Variants in UGT3A1 observed in about 807,000 individuals in gnomAD.
UGT3A1 encodes the protein UDP glycosyltransferase family 3 member A1.
UGT3A1 carries 40 observed loss-of-function variants against 37.6 expected under a neutral mutation model. The observed-to-expected ratio is 1.06, with a 90% CI of 0.83 to 1.38. The LOEUF (loss-of-function observed/expected upper bound fraction) is 1.38. Ranked by LOEUF, UGT3A1 falls within the 40% of genes most tolerant of loss-of-function variation. The pLI is 0.00. For missense variants in UGT3A1, 642 were observed against 634.2 expected, an observed-to-expected ratio of 1.01 and a Z score of -0.13; for synonymous variants, 256 against 232.3, an observed-to-expected ratio of 1.10 and a Z score of -0.93.
At position 35,952,463 on chromosome 5, in the gene UGT3A1, A is replaced by G. The variant is rs147327405; in HGVS notation, c.*1739T>C. On this transcript the variant is annotated 3_prime_UTR_variant, in exon 7 of 7. Transcript: ENST00000274278. ...TGGACAGAGCAAGATTAGAAGCATC[A>G]TTCTGGCTCATTGGCTGCTTATGAT... 1 of 152,336 alleles carries G rather than the reference A, an allele frequency of 6.6e-6. No homozygotes were observed. Among genetic ancestry groups the G allele is most frequent in the Non-Finnish European group, 1.5e-5 (1 of 68,050 alleles). The allele number at this position is 152,336 out of a possible 1,614,324, so 9.4% of individuals were successfully genotyped here.
chr5:35,968,689 TCTGACTCCATTCTTGGAGTTTGACTG>T (rs1739915053), intron 2 of UGT3A1, among the ~76,000 whole-genome samples: 1 of 151,952 alleles, frequency 6.6e-6, no homozygotes, highest in African/African-American at 2.4e-5. Flanking sequence ...TAATAAGAAG[TCTGACTCCATTCTTGGAGTTTGACTG>T]CTGACTCCTT....
chr5:35,993,129 A>AT (rs947282779), upstream of UGT3A1, among the ~76,000 whole-genome samples: 4 of 151,866 alleles, frequency 2.6e-5, no homozygotes, highest in African/African-American at 7.3e-5. Context: ...GATTCCCTGC[A>AT]TTTTTTTTCT....
At position 35,965,452 on chromosome 5, in the gene UGT3A1, C is replaced by A; in HGVS notation, c.777G>T (p.Arg259=). 6.2e-7 allele frequency: 1 copy of A among 1,614,146 alleles called. No homozygotes were observed. ...VNSDFAFDFA[R]PLLPNTVYIG... ...TATAAACAGTGTTGGGAAGCAGGGGCCGGGCAAAATCAAAGGCAAAATCAG... is the reference window on the plus strand; with the variant it reads ...TATAAACAGTGTTGGGAAGCAGGGGACGGGCAAAATCAAAGGCAAAATCAG... The change falls in exon 4 of 7, where the codon CGG becomes CGT. Residue 259 remains arginine (R), a synonymous_variant. Coordinates refer to ENST00000274278, the MANE Select transcript of UGT3A1 (RefSeq NM_152404.4).
At chr5:35,973,293 A>C (rs1740125556) in intron 2 of UGT3A1, among the ~76,000 whole-genome samples, 1 of 152,198 alleles carries the variant, frequency 6.6e-6, no homozygotes, top group Admixed American at 6.5e-5. Flanking sequence ...GTTACCCATA[A>C]GAAGGTTCAC....
At chr5:35,961,702 G>A (rs541120468) in intron 4 of UGT3A1, 1 of 152,242 alleles carries the variant, frequency 6.6e-6, no homozygotes, top group African/African-American at 2.4e-5. Flanking sequence ...ATTGTAAAAG[G>A]CAAAGATGGC....
intron 4 of UGT3A1, among the ~76,000 whole-genome samples, chr5:35,959,098 T>G (rs1580918703): frequency 6.6e-6 from 1 of 152,220 alleles, no homozygotes; most frequent in African/African-American, 2.4e-5. Context: ...CAAAAACAGT[T>G]GAGCATACAG....
Position 35,965,726 on chromosome 5 carries a change from G to T in UGT3A1, c.503C>A (p.Thr168Asn), listed in dbSNP as rs1264456566. 5 of 1,614,080 alleles carry T rather than the reference G, an allele frequency of 3.1e-6. No homozygotes were observed. In the African/African-American group the frequency reaches 5.3e-5, roughly 17 times the overall value. ...LVKPFVAILP[T>N]TFGSLDFGLP... is the part of the protein sequence containing the mutation. Reference sequence around the variant, plus strand: ...CCCAAAATCCAAAGAGCCGAATGTGGTGGGAAGAATGGCCACAAATGGTTT... The same window carrying T: ...CCCAAAATCCAAAGAGCCGAATGTGTTGGGAAGAATGGCCACAAATGGTTT... Residue 168 changes from threonine to asparagine, a missense_variant, in exon 4 of 7, where the codon ACC becomes AAC. Thr to Asn is a moderately conservative substitution (Grantham distance 65). Coordinates refer to ENST00000274278, the MANE Select transcript of UGT3A1 (RefSeq NM_152404.4).
At chr5:35,976,871 C>T (rs147678015) in intron 2 of UGT3A1, among the ~76,000 whole-genome samples, 1,162 of 112,684 alleles carry the variant, frequency 0.01, 19 homozygotes, top group African/African-American at 0.035. Context: ...AAAGAAGGGA[C>T]GGAGGGAGAG....
chr5:35,975,939 C>G (rs1475279009), intron 2 of UGT3A1, among the ~76,000 whole-genome samples: 2 of 152,096 alleles, frequency 1.3e-5, no homozygotes, highest in Non-Finnish European at 2.9e-5. Context: ...TGTGCTTAAT[C>G]ACATCTAATA....
upstream of UGT3A1, among the ~76,000 whole-genome samples, chr5:35,993,235 G>A (rs981550710): frequency 2.0e-5 from 3 of 152,112 alleles, no homozygotes; most frequent in Non-Finnish European, 4.4e-5. Flanking sequence ...GGAGGCCAAG[G>A]CGGGTGGATC....
At position 35,954,222 on chromosome 5, in the gene UGT3A1, T is replaced by G; in HGVS notation, c.1552A>C (p.Arg518=). The G allele has an allele frequency of 6.2e-7, 1 of 1,614,072 alleles. No homozygotes were observed. The stretch of plus-strand genomic sequence containing the variant: ...TAGCCTCATGTCTTCTTCACCTTCC[T>G]GGCCCCACGCAGCCACCTGGCCACC... ...GVVARWLRGA[R]KVKKT Residue 518 remains arginine, a synonymous_variant, in exon 7 of 7, where the codon AGG becomes CGG. Transcript: ENST00000274278.
chr5:35,985,356 A>G (rs1047031965), intron 2 of UGT3A1, among the ~76,000 whole-genome samples: 4 of 152,126 alleles, frequency 2.6e-5, no homozygotes, highest in African/African-American at 9.6e-5. Flanking sequence ...ATAGAAAAAA[A>G]TTATAAAATG....
chr5:35,971,463 T>TAC (rs76860183), intron 2 of UGT3A1, among the ~76,000 whole-genome samples: 14,916 of 147,804 alleles, frequency 0.1, 913 homozygotes, highest in East Asian at 0.21. Flanking sequence ...GACACACGCA[T>TAC]ACACACACAC....
At chr5:35,977,080 A>G (rs960138562) in intron 2 of UGT3A1, among the ~76,000 whole-genome samples, 2 of 107,830 alleles carry the variant, frequency 1.9e-5, no homozygotes. Context: ...AAAGAAAAGA[A>G]AGAAAGAAAG....
chr5:35,965,286 C>T, intron 4 of UGT3A1, 100 bp downstream of exon 4: 11 of 1,511,044 alleles, frequency 7.3e-6, no homozygotes, highest in Non-Finnish European at 9.7e-6. Context: ...TTTGCCAATC[C>T]CTACTTCAAC....
In UGT3A1 at chr5:35,954,391, G is replaced by A. The variant is rs1405511210; in HGVS notation, c.1383C>T (p.His461=). Reference sequence around the variant, plus strand: ...GCGTCGCTCCCCCAGTCTGGAGGATGTGGTCGATCCAGCCCACCAGCCGCT... The same window carrying A: ...GCGTCGCTCCCCCAGTCTGGAGGATATGGTCGATCCAGCCCACCAGCCGCT... ...PAQRLVGWID[H]ILQTGGATHL... The change falls in exon 7 of 7, where the codon CAC becomes CAT. Residue 461 remains histidine (H), a synonymous_variant. Transcript: ENST00000274278. 1.2e-6 allele frequency: 2 copies of A among 1,614,110 alleles called. No homozygotes were observed. Among genetic ancestry groups the A allele is most frequent in the Non-Finnish European group, 1.7e-6 (2 of 1,180,052 alleles).
chr5:35,984,291 T>C (rs1740643086), intron 2 of UGT3A1, among the ~76,000 whole-genome samples: 1 of 152,104 alleles, frequency 6.6e-6, no homozygotes, highest in South Asian at 2.1e-4. Flanking sequence ...ATAAAGAAAT[T>C]CCATTTATAT....
rs771869241 is a variant in UGT3A1 at position 35,965,605 on chromosome 5, A to G, written c.624T>C (p.Phe208=). The G allele has an allele frequency of 2.3e-4, 377 of 1,614,200 alleles. No individual in the cohort carries two copies. The highest frequency in any genetic ancestry group is 3.3e-4 in the Admixed American group (20 of 60,024). ...WGRVKNFLMF[F]SFSRSQWDMQ... ...TGTCCCATTGGCTCCTGGAGAAACT[A>G]AAGAACATCAGAAAATTCTTCACTC... The change falls in exon 4 of 7, where the codon TTT becomes TTC. Residue 208 remains phenylalanine, a synonymous_variant. Transcript: ENST00000274278.
At chr5:35,983,546 T>C (rs902262416) in intron 2 of UGT3A1, among the ~76,000 whole-genome samples, 1 of 152,060 alleles carries the variant, frequency 6.6e-6, no homozygotes, top group Non-Finnish European at 1.5e-5. Flanking sequence ...ACTCATTCTA[T>C]AGGGCCAGCC....
Sources: gnomAD v4.1 joint callset for allele counts (sites outside exome capture counted in the v4.1 genomes callset) on GRCh38, gnomAD v4.1.1 for gene constraint, MANE v1.5 for transcripts, NCBI Gene and HGNC (gene_info 2026-07-23, HGNC 2026-07-21) for gene names.